Variants in ZEB1 observed in about 807,000 individuals in gnomAD.
ZEB1 encodes zinc finger E-box-binding homeobox 1.
A neutral mutation model predicts 84.9 loss-of-function variants in ZEB1; 21 were observed. The observed-to-expected ratio is 0.25, with a 90% CI of 0.18 to 0.36. The LOEUF is 0.36. ZEB1 is among the 10% of genes least tolerant of loss of function. ZEB1 has a pLI of 1.00. For synonymous variants in ZEB1, 420 were observed against 471.1 expected, an observed-to-expected ratio of 0.89 and a Z score of 1.41; for missense variants, 1,104 against 1,330.2, an observed-to-expected ratio of 0.83 and a Z score of 2.65.
intron 1 of ZEB1, among the ~76,000 whole-genome samples, chr10:31,446,756 G>T (rs1441885154): frequency 1.1e-4 from 17 of 150,578 alleles, no homozygotes; most frequent in African/African-American, 3.4e-4. Flanking sequence ...GTTCTAGTTT[G>T]ATTGCACTGT....
At chr10:31,337,975 G>A (rs568027514) in intron 1 of ZEB1, among the ~76,000 whole-genome samples, 22 of 152,166 alleles carry the variant, frequency 1.4e-4, no homozygotes, top group Admixed American at 5.2e-4. Flanking sequence ...GAGACACCGC[G>A]CCCGGCCTAA....
At chr10:31,496,874 A>G (rs2067315861) in intron 3 of ZEB1, among the ~76,000 whole-genome samples, 1 of 152,114 alleles carries the variant, frequency 6.6e-6, no homozygotes, top group Admixed American at 6.6e-5. Flanking sequence ...TCTGTAATAT[A>G]AACAATAGCA....
intron 2 of ZEB1, among the ~76,000 whole-genome samples, chr10:31,493,125 C>T (rs1332679197): frequency 6.6e-6 from 1 of 151,912 alleles, no homozygotes; most frequent in East Asian, 1.9e-4. Flanking sequence ...GTCCCTCTAC[C>T]TTGCCGCATT....
intron 1 of ZEB1, chr10:31,363,057 C>T (rs1030791308): frequency 6.1e-5 from 93 of 1,533,718 alleles, no homozygotes; most frequent in Non-Finnish European, 7.3e-5. Context: ...GCAGCTGCAG[C>T]GGTGGCCCCG....
At chr10:31,526,081 C>T (rs1178593954) in intron 8 of ZEB1, among the ~76,000 whole-genome samples, 1 of 152,078 alleles carries the variant, frequency 6.6e-6, no homozygotes, top group Admixed American at 6.5e-5. Flanking sequence ...TCAGGAGGGG[C>T]AATATTGCCC....
chr10:31,512,638 G>GGT (rs1329466503), intron 5 of ZEB1, among the ~76,000 whole-genome samples: 1 of 151,988 alleles, frequency 6.6e-6, no homozygotes, highest in African/African-American at 2.4e-5. Flanking sequence ...CCCTCTTCTG[G>GGT]GTGTTAAAGG....
At chr10:31,445,543 G>C (rs1425322891) in intron 1 of ZEB1, among the ~76,000 whole-genome samples, 1 of 151,858 alleles carries the variant, frequency 6.6e-6, no homozygotes, top group Non-Finnish European at 1.5e-5. Context: ...TATGATATTG[G>C]CTGTGGGTCT....
At chr10:31,334,461 A>G (rs2037566554) in intron 1 of ZEB1, among the ~76,000 whole-genome samples, 1 of 152,130 alleles carries the variant, frequency 6.6e-6, no homozygotes, top group African/African-American at 2.4e-5. Context: ...TGTATAGCTA[A>G]AATGGGAATT....
At position 31,484,527 on chromosome 10, in the gene ZEB1, T is replaced by C. The variant is rs2065472157; in HGVS notation, c.260-11249T>C. ...AATTTACCAGAGTCACTGATAGTAATTATTATCTGTAATTTCAACCAGGCG... is the reference window on the plus strand; with the variant it reads ...AATTTACCAGAGTCACTGATAGTAACTATTATCTGTAATTTCAACCAGGCG... On this transcript the variant is annotated intron_variant, in intron 2 of 8. Transcript: ENST00000424869. Among the ~76,000 whole-genome samples, 3 of 151,924 alleles carry C rather than the reference T, an allele frequency of 2.0e-5. No homozygotes were observed. The South Asian group carries it at 6.2e-4, about 31-fold the overall frequency.
chr10:31,417,741 C>G (rs1477958740), intron 1 of ZEB1, among the ~76,000 whole-genome samples: 1 of 151,888 alleles, frequency 6.6e-6, no homozygotes, highest in African/African-American at 2.4e-5. Flanking sequence ...GTTCCTCATT[C>G]TGAACACCCA....
At chr10:31,319,046 G>C, upstream of ZEB1, 1 of 642,176 alleles carries the variant, frequency 1.6e-6, no homozygotes, top group Non-Finnish European at 2.9e-6. Flanking sequence ...AAACCGCCCG[G>C]TCCCTAGCAA....
At chr10:31,366,776 C>G (rs999956603) in intron 1 of ZEB1, among the ~76,000 whole-genome samples, 1 of 152,134 alleles carries the variant, frequency 6.6e-6, no homozygotes. Flanking sequence ...GCCTTCCTAT[C>G]GACCCTAACT....
chr10:31,460,555 A>C (rs914302983), intron 1 of ZEB1, among the ~76,000 whole-genome samples: 3 of 152,088 alleles, frequency 2.0e-5, no homozygotes, highest in African/African-American at 7.2e-5. Context: ...GCAATATCGT[A>C]TGCTGTAGGC....
intron 8 of ZEB1, among the ~76,000 whole-genome samples, 166 bp downstream of exon 8, chr10:31,524,279 C>T (rs1028822163): frequency 6.6e-6 from 1 of 151,316 alleles, no homozygotes; most frequent in African/African-American, 2.4e-5. Context: ...GGCACGCAAT[C>T]TCAATCTCGG....
intron 1 of ZEB1, among the ~76,000 whole-genome samples, chr10:31,441,113 A>G (rs1440436812): frequency 1.3e-5 from 2 of 152,216 alleles, no homozygotes; most frequent in African/African-American, 4.8e-5. Flanking sequence ...ATCCTAAGCC[A>G]AAAGAACAAA....
At chr10:31,360,919 T>C in intron 1 of ZEB1, 1 of 1,514,584 alleles carries the variant, frequency 6.6e-7, no homozygotes, top group Non-Finnish European at 9.1e-7. Context: ...GCATGGATGC[T>C]CTAATAAATT....
At chr10:31,477,605 A>G (rs558381595) in intron 2 of ZEB1, among the ~76,000 whole-genome samples, 1 of 152,086 alleles carries the variant, frequency 6.6e-6, no homozygotes, top group East Asian at 1.9e-4. Context: ...CTAACTTCAG[A>G]TTATACTACA....
rs1037421914 is a variant in ZEB1 at position 31,527,777 on chromosome 10, T to G, written c.*513T>G. 6.2e-6 allele frequency: 1 copy of G among 160,726 alleles called. No homozygotes were observed. The highest frequency in any genetic ancestry group is 1.4e-5 in the Non-Finnish European group (1 of 72,540). The allele number at this position is 160,726 out of a possible 1,614,324, so 10.0% of individuals were successfully genotyped here. A position where few individuals can be genotyped will look rare whatever the true frequency, so the allele number is the denominator to read the frequency against. Reference sequence around the variant, plus strand: ...TGTGAGAACTTCTGCACTACAAAATTCCCTTCACAGAGAAGTATAATGTAG... The same window carrying G: ...TGTGAGAACTTCTGCACTACAAAATGCCCTTCACAGAGAAGTATAATGTAG... On this transcript the variant is annotated 3_prime_UTR_variant, in exon 9 of 9. Transcript: ENST00000424869.
intron 1 of ZEB1, among the ~76,000 whole-genome samples, chr10:31,392,325 T>C (rs890222057): frequency 2.0e-5 from 3 of 152,222 alleles, no homozygotes; most frequent in African/African-American, 7.2e-5. Context: ...AGGTGAATAA[T>C]GTTATTTTTA....
Sources: allele counts gnomAD v4.1 joint callset (sites outside exome capture counted in the v4.1 genomes callset), GRCh38; gene constraint gnomAD v4.1.1; transcripts MANE v1.5; gene names NCBI Gene and HGNC (gene_info 2026-07-23, HGNC 2026-07-21).